The following ZNF540 variants were observed in gnomAD, a reference collection of about 807,000 sequenced individuals.
ZNF540 encodes the protein CTD-3064H18.6.
ZNF540 carries 3 observed loss-of-function variants against 11.8 expected under a neutral mutation model. That is an observed-to-expected ratio of 0.25 (90% confidence interval 0.12 to 0.65). The LOEUF (loss-of-function observed/expected upper bound fraction) is 0.65, where lower values mean the gene tolerates loss of function less well. ZNF540 is among the 30% of genes least tolerant of loss of function. The pLI is 0.83. For missense variants in ZNF540, 709 were observed against 793.1 expected (o/e 0.89, Z 1.27); for synonymous variants, 247 against 259.0 (o/e 0.95, Z 0.45).
intron 4 of ZNF540, among the ~76,000 whole-genome samples, chr19:37,601,527 C>G (rs2044039435): frequency 6.6e-6 from 1 of 151,466 alleles, no homozygotes; most frequent in Non-Finnish European, 1.5e-5. Context: ...AGGCCAAAAC[C>G]TCCCTACACT....
rs1367801445 is a variant in ZNF540, at chr19:37,611,732, CT to C, written c.453del (p.Asp152IlefsTer9). ...QKKIVSKKMS[T>X]DRKRPSFTLN... Reference sequence around the variant, plus strand: ...AAAATCGTCTCTAAAAAAATGTCAACTGATAGAAAACGTCCCTCTTTTACTC... The same window carrying C: ...AAAATCGTCTCTAAAAAAATGTCAACGATAGAAAACGTCCCTCTTTTACTC... On this transcript the variant is annotated frameshift_variant, in exon 5 of 5. Transcript: ENST00000316433. LOFTEE classifies it low-confidence loss of function (END_TRUNC). The C allele has an allele frequency of 1.2e-6, 2 of 1,613,768 alleles. No individual in the cohort carries two copies. The highest frequency in any genetic ancestry group is 2.7e-5 in the African/African-American group (2 of 74,890).
chr19:37,596,261 C>T (rs1304415548), intron 1 of ZNF540, among the ~76,000 whole-genome samples: 2 of 152,096 alleles, frequency 1.3e-5, no homozygotes, highest in Non-Finnish European at 2.9e-5. Context: ...GTAGGCATAC[C>T]TCATTTTATT....
intron 4 of ZNF540, among the ~76,000 whole-genome samples, chr19:37,602,127 A>G (rs987308946): frequency 1.3e-4 from 20 of 152,194 alleles, no homozygotes; most frequent in African/African-American, 4.8e-4. Flanking sequence ...AAGATGCTGT[A>G]TTCATCTTAT....
At position 37,612,090 on chromosome 19, in the gene ZNF540, C is replaced by A. The variant is rs1212212521; in HGVS notation, c.810C>A (p.Pro270=). 1.9e-6 allele frequency: 3 copies of A among 1,611,644 alleles called. No homozygotes were observed. In the African/African-American group the frequency reaches 4.0e-5, roughly 22 times the overall value. Residue 270 remains proline (P), a synonymous_variant, in exon 5 of 5, where the codon CCC becomes CCA. Transcript: ENST00000316433. ...RHQKIHTGKK[P]YMCKKCDKGF... is the part of the protein sequence containing the mutation. ...AGAAAATTCACACTGGTAAAAAACC[C>A]TATATGTGTAAGAAATGTGATAAGG...
At chr19:37,583,802 G>A in intron 1 of ZNF540, 2 of 595,516 alleles carry the variant, frequency 3.4e-6, no homozygotes, top group Non-Finnish European at 5.7e-6. Flanking sequence ...GACAGAGAAA[G>A]ATGTGACAGT....
At chr19:37,574,347 C>T (rs921738976) in intron 1 of ZNF540, among the ~76,000 whole-genome samples, 5 of 152,126 alleles carry the variant, frequency 3.3e-5, no homozygotes, top group African/African-American at 9.7e-5. Context: ...TGCTTTTCAA[C>T]TTTAACTCAA....
intron 1 of ZNF540, among the ~76,000 whole-genome samples, chr19:37,566,907 G>T (rs2042880120): frequency 1.3e-5 from 2 of 152,126 alleles, no homozygotes; most frequent in Admixed American, 6.5e-5. Flanking sequence ...ACACAAGCTT[G>T]CCTGTGGCCA....
chr19:37,600,325 T>C (rs1203458710), intron 3 of ZNF540, among the ~76,000 whole-genome samples: 1 of 152,184 alleles, frequency 6.6e-6, no homozygotes, highest in African/African-American at 2.4e-5. Flanking sequence ...CATCACACAA[T>C]ATCCCCAGGT....
intron 1 of ZNF540, among the ~76,000 whole-genome samples, chr19:37,554,369 CT>C (rs1233638047): frequency 6.6e-6 from 1 of 152,146 alleles, no homozygotes; most frequent in African/African-American, 2.4e-5. Flanking sequence ...AAAGTTTTCA[CT>C]TTTTTCATAT....
intron 4 of ZNF540, among the ~76,000 whole-genome samples, chr19:37,602,533 A>G (rs924236509): frequency 1.3e-5 from 2 of 152,166 alleles, no homozygotes; most frequent in South Asian, 2.1e-4. Context: ...AGTGCATAAG[A>G]TATCGACTGT....
intron 1 of ZNF540, among the ~76,000 whole-genome samples, chr19:37,579,189 C>T (rs976145265): frequency 2.6e-5 from 4 of 152,190 alleles, no homozygotes; most frequent in African/African-American, 9.7e-5. Context: ...CAACCTGTCC[C>T]ACCTCCCCAC....
chr19:37,551,759 G>C lies in ZNF540; in HGVS notation c.-73+94G>C, dbSNP rs995927350. ...ACCAAGCAGCCTCAGGAGCTGCCTGGGTGTGTGTGTTTCTGTGCGAGTGTT... is the reference window on the plus strand; with the variant it reads ...ACCAAGCAGCCTCAGGAGCTGCCTGCGTGTGTGTGTTTCTGTGCGAGTGTT... On this transcript the variant is annotated intron_variant, in intron 1 of 4. Transcript: ENST00000592533. 5 of 152,542 alleles carry C rather than the reference G, an allele frequency of 3.3e-5. No individual in the cohort carries two copies. In the East Asian group the frequency reaches 7.7e-4, roughly 24 times the overall value. 9.4% of individuals were successfully genotyped at this position (152,542 alleles called of 1,614,324 possible). A position where few individuals can be genotyped will look rare whatever the true frequency, so the allele number is the denominator to read the frequency against.
At chr19:37,605,345 T>C (rs1010322355) in intron 4 of ZNF540, among the ~76,000 whole-genome samples, 1 of 151,158 alleles carries the variant, frequency 6.6e-6, no homozygotes, top group Non-Finnish European at 1.5e-5. Flanking sequence ...CTGTAAAAAC[T>C]TTATTTAAAA....
At chr19:37,597,842 C>T (rs1370430944) in intron 1 of ZNF540, among the ~76,000 whole-genome samples, 1 of 152,260 alleles carries the variant, frequency 6.6e-6, no homozygotes, top group Non-Finnish European at 1.5e-5. Flanking sequence ...TAGCCATAGT[C>T]AGAAGTAAAC....
intron 1 of ZNF540, among the ~76,000 whole-genome samples, chr19:37,561,908 T>G (rs1299409225): frequency 6.6e-6 from 1 of 152,230 alleles, no homozygotes. Context: ...GAAGAATGCA[T>G]GAGTGTTGTG....
chr19:37,581,711 C>A (rs1484219273), intron 1 of ZNF540, among the ~76,000 whole-genome samples: 1 of 151,968 alleles, frequency 6.6e-6, no homozygotes, highest in Non-Finnish European at 1.5e-5. Flanking sequence ...AATTCACCCA[C>A]CTCAGCCTCC....
chr19:37,576,967 CTA>C (rs2043262937), intron 1 of ZNF540, among the ~76,000 whole-genome samples: 1 of 152,074 alleles, frequency 6.6e-6, no homozygotes, highest in Non-Finnish European at 1.5e-5. Flanking sequence ...CTAATTCAGC[CTA>C]TACACCGCCA....
chr19:37,596,512 C>A (rs540410637), intron 1 of ZNF540, among the ~76,000 whole-genome samples: 30 of 152,274 alleles, frequency 2.0e-4, no homozygotes, highest in African/African-American at 6.5e-4. Context: ...ACTTTATTTT[C>A]TATTATATGG....
rs2044152297 is a variant in ZNF540 at position 37,613,964 on chromosome 19, A to G, written c.*701A>G. The G allele has an allele frequency of 2.5e-6, 1 of 397,804 alleles. No homozygotes were observed. The highest frequency in any genetic ancestry group is 4.4e-6 in the Non-Finnish European group (1 of 225,642). The allele number at this position is 397,804 out of a possible 1,614,324, so 24.6% of individuals were successfully genotyped here. On this transcript the variant is annotated 3_prime_UTR_variant, in exon 5 of 5. Transcript: ENST00000316433. ...AGAGCCAGCTAGCTCTTTCAACCAC[A>G]TGAGGTTACAGCAAGAAGTCAGCAG...
Sources: allele counts gnomAD v4.1 joint callset (sites outside exome capture counted in the v4.1 genomes callset), GRCh38; gene constraint gnomAD v4.1.1; transcripts MANE v1.5; gene names NCBI Gene and HGNC (gene_info 2026-07-23, HGNC 2026-07-21).